Variants in SH3RF2 observed in about 807,000 individuals in gnomAD.
SH3RF2 encodes E3 ubiquitin-protein ligase SH3RF2.
SH3RF2 carries 43 observed loss-of-function variants against 59.0 expected under a neutral mutation model. The ratio of observed to expected loss-of-function variants is 0.73; its 90% confidence interval spans 0.57 to 0.94. The LOEUF is 0.94. SH3RF2 is among the 40% of genes least tolerant of loss of function. The pLI, the probability that SH3RF2 is intolerant of heterozygous loss-of-function variation, is 0.00. For missense variants in SH3RF2, 930 were observed against 940.1 expected, an observed-to-expected ratio of 0.99 and a Z score of 0.14; for synonymous variants, 391 against 391.5, an observed-to-expected ratio of 1.00 and a Z score of 0.01.
intron 4 of SH3RF2, among the ~76,000 whole-genome samples, chr5:146,005,640 C>T (rs1760612729): frequency 6.6e-6 from 1 of 152,140 alleles, no homozygotes; most frequent in South Asian, 2.1e-4. Flanking sequence ...ATTCCTAATG[C>T]CTTTTCTCTT....
intron 2 of SH3RF2, among the ~76,000 whole-genome samples, chr5:145,959,800 T>G (rs1458322026): frequency 6.6e-6 from 1 of 151,970 alleles, no homozygotes; most frequent in Non-Finnish European, 1.5e-5. Flanking sequence ...AAGTGTGACT[T>G]CCAGGTCTGC....
intron 9 of SH3RF2, among the ~76,000 whole-genome samples, chr5:146,060,739 C>A (rs1326649399): frequency 6.6e-6 from 1 of 152,152 alleles, no homozygotes; most frequent in African/African-American, 2.4e-5. Flanking sequence ...AACTGAGGCA[C>A]AGGATAATGT....
At position 145,983,754 on chromosome 5, in the gene SH3RF2, C is replaced by T. The variant is rs376183103; in HGVS notation, c.379-16304C>T. ...GGTTGCCTGCAGTGGTGATTATACA[C>T]TCAGTACAGAGGGCATGTTGGAAAG... On this transcript the variant is annotated intron_variant, in intron 2 of 9. Transcript: ENST00000359120. 3.3e-5 allele frequency among the ~76,000 whole-genome samples: 5 copies of T among 152,170 alleles called. No homozygotes were observed. In the East Asian group the frequency reaches 9.6e-4, roughly 29 times the overall value.
At chr5:145,997,362 G>T in intron 2 of SH3RF2, 1 of 1,188,094 alleles carries the variant, frequency 8.4e-7, no homozygotes, top group Non-Finnish European at 1.3e-6. Flanking sequence ...GTCTAAATAT[G>T]TTGAAGAGCA....
At chr5:146,047,902 C>T in intron 6 of SH3RF2, 39 bp downstream of exon 6, 2 of 1,578,270 alleles carry the variant, frequency 1.3e-6, no homozygotes, top group East Asian at 4.5e-5. Context: ...AGTCCTGGCA[C>T]AAAGGGGTCA....
intron 5 of SH3RF2, among the ~76,000 whole-genome samples, chr5:146,031,113 A>G (rs993141181): frequency 6.6e-6 from 1 of 152,174 alleles, no homozygotes; most frequent in African/African-American, 2.4e-5. Flanking sequence ...TGGGCCCTGT[A>G]GGGAAGAAGG....
At chr5:145,966,762 C>A (rs1758873066) in intron 2 of SH3RF2, among the ~76,000 whole-genome samples, 2 of 152,186 alleles carry the variant, frequency 1.3e-5, no homozygotes, top group Admixed American at 1.3e-4. Flanking sequence ...TGATTCATGC[C>A]TGTAATCCCA....
intron 2 of SH3RF2, among the ~76,000 whole-genome samples, chr5:145,943,855 G>T (rs898550259): frequency 1.3e-4 from 20 of 152,270 alleles, no homozygotes; most frequent in African/African-American, 4.1e-4. Flanking sequence ...ATTATTTGCC[G>T]TGTGCATTAG....
intron 4 of SH3RF2, among the ~76,000 whole-genome samples, chr5:146,007,499 G>A (rs1019495540): frequency 2.0e-5 from 3 of 152,190 alleles, no homozygotes; most frequent in African/African-American, 7.2e-5. Flanking sequence ...GACGTCAGCT[G>A]CAATTAGTAC....
At chr5:145,948,168 G>T (rs1758063364) in intron 2 of SH3RF2, among the ~76,000 whole-genome samples, 1 of 152,068 alleles carries the variant, frequency 6.6e-6, no homozygotes, top group Non-Finnish European at 1.5e-5. Context: ...GGTGCTACTG[G>T]TATCTCCACT....
intron 4 of SH3RF2, among the ~76,000 whole-genome samples, chr5:146,011,070 A>G (rs1760871243): frequency 6.6e-6 from 1 of 152,142 alleles, no homozygotes; most frequent in Non-Finnish European, 1.5e-5. Flanking sequence ...GGTGTAAGGA[A>G]GGGATCCAGT....
At chr5:146,026,069 T>C (rs923899367) in intron 5 of SH3RF2, among the ~76,000 whole-genome samples, 3 of 152,202 alleles carry the variant, frequency 2.0e-5, no homozygotes, top group Admixed American at 2.0e-4. Context: ...AAAATCTAAA[T>C]GATCATTCCA....
At chr5:145,993,306 A>C (rs1478457797) in intron 2 of SH3RF2, among the ~76,000 whole-genome samples, 1 of 152,172 alleles carries the variant, frequency 6.6e-6, no homozygotes, top group Non-Finnish European at 1.5e-5. Flanking sequence ...CACACAGTGA[A>C]AGCTGTCAGT....
intron 2 of SH3RF2, among the ~76,000 whole-genome samples, chr5:145,963,871 CG>C (rs1758739930): frequency 6.8e-6 from 1 of 147,034 alleles, no homozygotes; most frequent in Non-Finnish European, 1.5e-5. Context: ...CTCGCTCTGT[CG>C]CCCAGGCTGG....
At chr5:145,943,661 T>C (rs1757903020) in intron 2 of SH3RF2, among the ~76,000 whole-genome samples, 1 of 152,204 alleles carries the variant, frequency 6.6e-6, no homozygotes, top group Non-Finnish European at 1.5e-5. Context: ...TTCCTCCGTG[T>C]TGTAGACAGC....
chr5:146,063,552 G>T (rs935155023), downstream of SH3RF2, among the ~76,000 whole-genome samples: 2 of 152,196 alleles, frequency 1.3e-5, no homozygotes, highest in Non-Finnish European at 2.9e-5. Flanking sequence ...TAGATATATA[G>T]TCTGACTTCA....
chr5:145,999,064 G>T (rs1760286728), intron 2 of SH3RF2, among the ~76,000 whole-genome samples: 1 of 151,526 alleles, frequency 6.6e-6, no homozygotes, highest in Non-Finnish European at 1.5e-5. Flanking sequence ...CCTTCAGCAA[G>T]TTGTAATCTT....
At chr5:146,044,140 TTTTTTTTTG>T (rs1561759412) in intron 5 of SH3RF2, among the ~76,000 whole-genome samples, 1 of 65,296 alleles carries the variant, frequency 1.5e-5, no homozygotes, top group East Asian at 3.8e-4. Flanking sequence ...TCCGTTTTTG[TTTTTTTTTG>T]TTTTTTTTTT....
At chr5:146,030,275 T>C (rs1761695174) in intron 5 of SH3RF2, among the ~76,000 whole-genome samples, 1 of 152,232 alleles carries the variant, frequency 6.6e-6, no homozygotes, top group African/African-American at 2.4e-5. Flanking sequence ...CATGTGCCCA[T>C]GTGCCCATGT....
Sources: gnomAD v4.1 joint callset for allele counts (sites outside exome capture counted in the v4.1 genomes callset) on GRCh38, gnomAD v4.1.1 for gene constraint, MANE v1.5 for transcripts, NCBI Gene and HGNC (gene_info 2026-07-23, HGNC 2026-07-21) for gene names.